KIF1B: variants seen among roughly 807,000 people sequenced by gnomAD.
The protein encoded by KIF1B is kinesin family member 1B, also known as kinesin-like protein KIF1B.
In KIF1B, 76 loss-of-function variants were observed where a neutral mutation model predicts 241.9. The ratio of observed to expected loss-of-function variants is 0.31; its 90% confidence interval spans 0.26 to 0.38. KIF1B has a LOEUF of 0.38. KIF1B is among the 10% of genes least tolerant of loss of function. The pLI, the probability that KIF1B is intolerant of heterozygous loss-of-function variation, is 1.00. For synonymous variants in KIF1B, 750 were observed against 796.7 expected (o/e 0.94, Z 0.99); for missense variants, 1,622 against 2,271.4 (o/e 0.71, Z 5.81).
chr1:10,264,563 T>G (rs553664311), intron 5 of KIF1B, among the ~76,000 whole-genome samples: 31 of 152,344 alleles, frequency 2.0e-4, no homozygotes, highest in Admixed American at 9.8e-4. Flanking sequence ...CAGCAATGAT[T>G]GAAGAATCAT....
intron 15 of KIF1B, among the ~76,000 whole-genome samples, chr1:10,282,813 T>A (rs1649477920): frequency 6.6e-6 from 1 of 152,208 alleles, no homozygotes; most frequent in Admixed American, 6.5e-5. Flanking sequence ...TCTGGGATAG[T>A]ACATCAAGTT....
intron 40 of KIF1B, among the ~76,000 whole-genome samples, chr1:10,362,239 G>A (rs1310695731): frequency 6.6e-6 from 1 of 152,042 alleles, no homozygotes; most frequent in Admixed American, 6.6e-5. Context: ...CAGCACGTTG[G>A]GAGGCTGAGG....
At chr1:10,325,007 G>A in intron 26 of KIF1B, 112 bp downstream of exon 26, 2 of 1,222,884 alleles carry the variant, frequency 1.6e-6, no homozygotes, top group Non-Finnish European at 2.4e-6. Flanking sequence ...GTGTAAAAAG[G>A]CCTTATCTAT....
At chr1:10,372,544 G>C (rs1054322129) in intron 45 of KIF1B, among the ~76,000 whole-genome samples, 2 of 150,886 alleles carry the variant, frequency 1.3e-5, no homozygotes, top group African/African-American at 4.9e-5. Context: ...CAGGCATAGG[G>C]GCATGTACCT....
rs761836784 is a variant in KIF1B, at chr1:10,268,233, C to T, written c.690C>T (p.His230=). ...VFTIVFTQKK[H]DNETNLSTEK... is the part of the protein sequence containing the mutation. The stretch of plus-strand genomic sequence containing the variant: ...CGATTGTTTTCACCCAGAAGAAACA[C>T]GATAATGAGACCAACCTTTCCACTG... The change falls in exon 7 of 49, where the codon CAC becomes CAT. Residue 230 remains histidine, a synonymous_variant. Transcript: ENST00000676179. 31 of 1,612,558 alleles carry T rather than the reference C, an allele frequency of 1.9e-5. No homozygotes were observed. The highest frequency in any genetic ancestry group is 9.3e-5 in the African/African-American group (7 of 74,876).
At chr1:10,236,101 A>G (rs1010620469) in intron 2 of KIF1B, among the ~76,000 whole-genome samples, 1 of 151,528 alleles carries the variant, frequency 6.6e-6, no homozygotes, top group Non-Finnish European at 1.5e-5. Flanking sequence ...GTGAAACCCC[A>G]TCTCTACTAA....
rs77581495 is a variant in KIF1B, at chr1:10,337,092, G to A, written c.3148G>A (p.Ala1050Thr). 1 of 1,614,078 alleles carries A rather than the reference G, an allele frequency of 6.2e-7. No homozygotes were observed. Among genetic ancestry groups the A allele is most frequent in the Admixed American group, 1.7e-5 (1 of 60,016 alleles). ...YFNQSDFSSV[A>T]MTRSGLSLEE... is the part of the protein sequence containing the mutation. The stretch of plus-strand genomic sequence containing the variant: ...TTTTCAGAGTGACTTTTCGTCTGTT[G>A]CAATGACTCGTTCTGGTCTGTCCTT... Residue 1050 changes from alanine to threonine, a missense_variant, in exon 30 of 49, where the codon GCA becomes ACA. Ala to Thr is a moderately conservative substitution (Grantham distance 58). Transcript: ENST00000676179. The surrounding 1 kb of genome is among the most constrained non-coding windows in gnomAD (Gnocchi z 4.0).
At chr1:10,321,033 C>T (rs1651502680) in intron 23 of KIF1B, among the ~76,000 whole-genome samples, 1 of 150,540 alleles carries the variant, frequency 6.6e-6, no homozygotes, top group African/African-American at 2.5e-5. Context: ...GAGATGGTAC[C>T]TTTTTTCTCT....
intron 15 of KIF1B, among the ~76,000 whole-genome samples, chr1:10,290,657 G>T (rs976722930): frequency 3.3e-5 from 5 of 151,846 alleles, no homozygotes; most frequent in Non-Finnish European, 7.4e-5. Flanking sequence ...GGATCACGAG[G>T]TCAAGAGCTT....
At position 10,304,507 on chromosome 1, in the gene KIF1B, CAGTT is replaced by C; in HGVS notation, c.2115+7264_2115+7267del. ...TTACTGTAATTATAACACTGGAGGT[CAGTT>C]AGAGGGCAATGCAGCCACTTCCTAT... On this transcript the variant is annotated intron_variant, in intron 22 of 48. Coordinates refer to ENST00000676179, the MANE Select transcript of KIF1B (RefSeq NM_001365951.3). The C allele has an allele frequency of 1.9e-6, 3 of 1,612,700 alleles. No individual in the cohort carries two copies. The African/African-American group carries it at 4.0e-5, about 22-fold the overall frequency.
At chr1:10,265,200 TTTTATTTA>T (rs148747154) in intron 5 of KIF1B, among the ~76,000 whole-genome samples, 1,808 of 138,482 alleles carry the variant, frequency 0.013, 32 homozygotes, top group African/African-American at 0.038. Flanking sequence ...TTAAAATGGA[TTTTATTTA>T]TTTATTTATT....
chr1:10,358,137 CAAAAG>C (rs911873266), intron 38 of KIF1B, among the ~76,000 whole-genome samples: 1 of 143,054 alleles, frequency 7.0e-6, no homozygotes, highest in African/African-American at 2.6e-5. Flanking sequence ...CTTTTTTTGA[CAAAAG>C]AAAAAAATGA....
At chr1:10,214,489 C>T (rs903350563) in intron 1 of KIF1B, among the ~76,000 whole-genome samples, 4 of 147,924 alleles carry the variant, frequency 2.7e-5, no homozygotes, top group Admixed American at 6.7e-5. Context: ...GGGGTTTCAC[C>T]ATGTTGGCCA....
intron 17 of KIF1B, among the ~76,000 whole-genome samples, chr1:10,293,328 GT>G (rs1291524690): frequency 1.3e-5 from 2 of 150,858 alleles, no homozygotes; most frequent in Admixed American, 1.3e-4. Context: ...GAATTTAATT[GT>G]GCCTATGCAT....
At chr1:10,305,147 G>C (rs1450631657) in intron 22 of KIF1B, 3 of 1,050,424 alleles carry the variant, frequency 2.9e-6, no homozygotes, top group East Asian at 5.6e-5. Flanking sequence ...ATCCACGTCT[G>C]TTCCCTTCTT....
chr1:10,287,935 G>A lies in KIF1B; in HGVS notation c.1435-3147G>A, dbSNP rs777060345. On this transcript the variant is annotated intron_variant, in intron 15 of 48. Transcript: ENST00000676179. ...TTTATTGTGGTTAGTACTATAATAA[G>A]TACTAGTCAAGATGCCTTGTTTAGG... 1.8e-4 allele frequency among the ~76,000 whole-genome samples: 28 copies of A among 152,128 alleles called. 1 individual carries two copies. The highest frequency in any genetic ancestry group is 3.2e-4 in the Non-Finnish European group (22 of 68,014).
intron 16 of KIF1B, among the ~76,000 whole-genome samples, chr1:10,291,475 C>G (rs1649992546): frequency 6.6e-6 from 1 of 152,118 alleles, no homozygotes; most frequent in Non-Finnish European, 1.5e-5. Context: ...CTTTGGGAGG[C>G]TGAGGTGGGC....
chr1:10,307,771 C>T (rs576570168), intron 22 of KIF1B: 23 of 1,035,498 alleles, frequency 2.2e-5, no homozygotes, highest in African/African-American at 1.7e-4. Context: ...TGTAATGATC[C>T]GACATTAATG....
chr1:10,215,172 A>ATATATTTT (rs1377684765), intron 1 of KIF1B, among the ~76,000 whole-genome samples: 15 of 45,362 alleles, frequency 3.3e-4, no homozygotes, highest in African/African-American at 6.0e-4. Context: ...ATATATATAT[A>ATATATTTT]TTTTTTTTTT....
Sources: gnomAD v4.1 joint callset for allele counts (sites outside exome capture counted in the v4.1 genomes callset) on GRCh38, gnomAD v4.1.1 for gene constraint, Gnocchi (gnomAD v3.1) non-coding constraint, MANE v1.5 for transcripts, NCBI Gene and HGNC (gene_info 2026-07-23, HGNC 2026-07-21) for gene names.